The following RPS6KA3 variants were observed in gnomAD, a reference collection of about 807,000 sequenced individuals.
RPS6KA3 encodes ribosomal protein S6 kinase alpha-3.
A neutral mutation model predicts 67.2 loss-of-function variants in RPS6KA3; 4 were observed. That is an observed-to-expected ratio of 0.06 (90% confidence interval 0.03 to 0.14). RPS6KA3 has a LOEUF of 0.14. Among genes scored for constraint, RPS6KA3 ranks in the 10% least tolerant of loss-of-function variants. The probability of loss-of-function intolerance (pLI) is 1.00; values close to 1 mark genes in which losing one functional copy is unlikely to be tolerated. For missense variants in RPS6KA3, 204 were observed against 559.0 expected, an observed-to-expected ratio of 0.36 and a Z score of 6.40; for synonymous variants, 182 against 183.7, an observed-to-expected ratio of 0.99 and a Z score of 0.07.
chrX:20,160,512 C>T (rs1237045649), intron 20 of RPS6KA3, among the ~76,000 whole-genome samples: 1 of 111,129 alleles, frequency 9.0e-6, no homozygotes, highest in Admixed American at 9.6e-5. Context: ...CTGCAACCTC[C>T]GCCTCCCTAG....
At chrX:20,265,498 CTCAG>C (rs1453919914) in intron 1 of RPS6KA3, 7 of 112,296 alleles carry the variant, frequency 6.2e-5, no homozygotes, top group African/African-American at 2.3e-4. Flanking sequence ...GGGTCACTCA[CTCAG>C]TAACTATTAC....
chrX:20,166,319 T>C (rs921087872), intron 17 of RPS6KA3, among the ~76,000 whole-genome samples: 1 of 111,653 alleles, frequency 9.0e-6, no homozygotes, highest in Non-Finnish European at 1.9e-5. Flanking sequence ...TGATGAGGCA[T>C]TGGGAAAAGA....
rs184129253 is a variant in RPS6KA3 at position 20,222,886 on chromosome X, A to C, written c.126+11872T>G. On this transcript the variant is annotated intron_variant, in intron 2 of 21. Transcript: ENST00000379565. ...ATCGTCTACAGAGCTTAAAGTAAGC[A>C]GTAGTAAATGCTATCTTGATCCTGA... Among the ~76,000 whole-genome samples the C allele has an allele frequency of 3.6e-5, 4 of 112,078 alleles. No individual in the cohort carries two copies. In the Admixed American group the frequency reaches 3.8e-4, roughly 11 times the overall value.
chrX:20,165,234 G>A (rs755742187), intron 17 of RPS6KA3, among the ~76,000 whole-genome samples, 174 bp from the exon 18 acceptor site: 1 of 111,635 alleles, frequency 9.0e-6, no homozygotes, highest in Admixed American at 9.6e-5. Flanking sequence ...AACATAGACC[G>A]GGGGCAAGGA....
intron 1 of RPS6KA3, among the ~76,000 whole-genome samples, chrX:20,254,513 C>T (rs1454372424): frequency 1.8e-5 from 2 of 111,818 alleles, no homozygotes; most frequent in African/African-American, 6.5e-5. Context: ...GCTCTATTAA[C>T]CCATTTGGAA....
chrX:20,173,656 CTA>C (rs770322406), intron 14 of RPS6KA3, among the ~76,000 whole-genome samples: 3 of 112,437 alleles, frequency 2.7e-5, no homozygotes, highest in Non-Finnish European at 5.6e-5. Flanking sequence ...TTTGTGGTTT[CTA>C]TGTTAGGTAC....
chrX:20,244,150 G>A (rs1308663369), intron 1 of RPS6KA3, among the ~76,000 whole-genome samples: 1 of 111,405 alleles, frequency 9.0e-6, no homozygotes, highest in East Asian at 2.8e-4. Context: ...AAAGAATATG[G>A]GTTGTTTTCA....
rs146128977 is a variant in RPS6KA3, at chrX:20,184,874, C to T, written c.845+1422G>A. ...CTGGTTTTTTTGCACAGAGGTCTTA[C>T]ACAACTTCTGCTAGATTTATCACTA... On this transcript the variant is annotated intron_variant, in intron 10 of 21. Transcript: ENST00000379565. 6.8e-4 allele frequency among the ~76,000 whole-genome samples: 76 copies of T among 111,995 alleles called. 1 individual carries two copies. Among genetic ancestry groups the T allele is most frequent in the Non-Finnish European group, 3.4e-4 (18 of 53,146 alleles).
chrX:20,181,046 A>C (rs1303417123), intron 10 of RPS6KA3, among the ~76,000 whole-genome samples: 1 of 112,194 alleles, frequency 8.9e-6, no homozygotes, highest in Non-Finnish European at 1.9e-5. Flanking sequence ...GATGATACCT[A>C]AGCATTATTG....
At chrX:20,262,895 A>G (rs988969974) in intron 1 of RPS6KA3, among the ~76,000 whole-genome samples, 5 of 111,903 alleles carry the variant, frequency 4.5e-5, no homozygotes, top group Non-Finnish European at 9.4e-5. Flanking sequence ...TATGTACTAT[A>G]CTATAGAATA....
At chrX:20,250,569 A>G (rs1398205582) in intron 1 of RPS6KA3, among the ~76,000 whole-genome samples, 1 of 111,937 alleles carries the variant, frequency 8.9e-6, no homozygotes, top group Non-Finnish European at 1.9e-5. Flanking sequence ...TGTTTAACTT[A>G]GCTAAATTTT....
intron 1 of RPS6KA3, among the ~76,000 whole-genome samples, chrX:20,252,627 G>C (rs1480028081): frequency 9.0e-6 from 1 of 111,028 alleles, no homozygotes; most frequent in Non-Finnish European, 1.9e-5. Context: ...CTGAGTAGGG[G>C]TGTAAGCTCA....
At chrX:20,217,572 C>T (rs1336694019) in intron 2 of RPS6KA3, among the ~76,000 whole-genome samples, 1 of 112,170 alleles carries the variant, frequency 8.9e-6, no homozygotes, top group Non-Finnish European at 1.9e-5. Context: ...ATTACTGAAG[C>T]TTGAAGTAAA....
intron 9 of RPS6KA3, 38 bp downstream of exon 9, chrX:20,187,790 C>G: frequency 1.8e-6 from 2 of 1,123,339 alleles, no homozygotes; most frequent in Non-Finnish European, 2.5e-6. Context: ...ACTTAACAAT[C>G]TCCTTCCCCT....
At chrX:20,232,434 G>A (rs919001695) in intron 2 of RPS6KA3, among the ~76,000 whole-genome samples, 4 of 111,134 alleles carry the variant, frequency 3.6e-5, no homozygotes, top group Non-Finnish European at 7.6e-5. Flanking sequence ...TTAGCCAGGC[G>A]TGGTGGCGCG....
chrX:20,164,336 A>G (rs1289645082), intron 18 of RPS6KA3, among the ~76,000 whole-genome samples: 1 of 109,082 alleles, frequency 9.2e-6, no homozygotes, highest in East Asian at 2.9e-4. Context: ...CTAGAACTTC[A>G]GGTAGGGAAT....
intron 2 of RPS6KA3, among the ~76,000 whole-genome samples, chrX:20,230,838 C>T (rs1352456012): frequency 2.7e-5 from 3 of 111,651 alleles, no homozygotes; most frequent in African/African-American, 6.5e-5. Context: ...AATATACATA[C>T]GCAATAACCA....
chrX:20,218,805 T>C, intron 2 of RPS6KA3: 2 of 1,175,098 alleles, frequency 1.7e-6, no homozygotes, highest in Non-Finnish European at 1.2e-6. Context: ...CTTACCTGTA[T>C]AGAGCGAACA....
chrX:20,165,421 C>G (rs2067409232), intron 17 of RPS6KA3, among the ~76,000 whole-genome samples: 1 of 111,628 alleles, frequency 9.0e-6, no homozygotes, highest in Non-Finnish European at 1.9e-5. Flanking sequence ...CCGTGGTGAA[C>G]AAGACCCATG....
Sources: allele counts gnomAD v4.1 joint callset (sites outside exome capture counted in the v4.1 genomes callset), GRCh38; gene constraint gnomAD v4.1.1; transcripts MANE v1.5; gene names NCBI Gene and HGNC (gene_info 2026-07-23, HGNC 2026-07-21).